The following TEAD1 variants were observed in gnomAD, a reference collection of about 807,000 sequenced individuals.
The protein encoded by TEAD1 is transcriptional enhancer factor TEF-1.
Under a neutral mutation model 54.9 loss-of-function variants are expected in TEAD1, and 9 were observed. The observed-to-expected ratio is 0.16, with a 90% CI of 0.10 to 0.29. The LOEUF is 0.29. Ranked by LOEUF, TEAD1 falls within the 10% of genes least tolerant of loss-of-function variation. The pLI, the probability that TEAD1 is intolerant of heterozygous loss-of-function variation, is 1.00. For synonymous variants in TEAD1, 200 were observed against 187.8 expected (o/e 1.07, Z -0.53); for missense variants, 387 against 535.9 (o/e 0.72, Z 2.74).
intron 9 of TEAD1, among the ~76,000 whole-genome samples, chr11:12,894,315 T>C (rs1208772277): frequency 6.6e-6 from 1 of 152,162 alleles, no homozygotes. Context: ...TCGCAGATGC[T>C]GAGGACTAGC....
chr11:12,814,992 G>C (rs980574629), intron 3 of TEAD1, among the ~76,000 whole-genome samples: 3 of 152,128 alleles, frequency 2.0e-5, no homozygotes, highest in Non-Finnish European at 4.4e-5. Flanking sequence ...GTGCAGAACG[G>C]GCCTGTAATG....
intron 2 of TEAD1, among the ~76,000 whole-genome samples, chr11:12,699,352 T>C (rs1162452446): frequency 1.3e-5 from 2 of 152,220 alleles, no homozygotes; most frequent in Non-Finnish European, 2.9e-5. Flanking sequence ...TAATGAATTG[T>C]AGAAACCGCT....
At position 12,769,498 on chromosome 11, in the gene TEAD1, G is replaced by A. The variant is rs184636311; in HGVS notation, c.202+5064G>A. 5.3e-5 allele frequency among the ~76,000 whole-genome samples: 8 copies of A among 152,226 alleles called. No individual in the cohort carries two copies. In the East Asian group the frequency reaches 1.5e-3, roughly 29 times the overall value. On this transcript the variant is annotated intron_variant, in intron 3 of 12. Coordinates refer to ENST00000527636, the MANE Select transcript of TEAD1 (RefSeq NM_021961.6). ...GTCGCTACACTCCTCTGGATGCAGA[G>A]GACTGGTCAAAAAATTGCAGAATCA...
intron 3 of TEAD1, among the ~76,000 whole-genome samples, chr11:12,810,548 G>C (rs1172741594): frequency 6.6e-6 from 1 of 152,134 alleles, no homozygotes; most frequent in Admixed American, 6.5e-5. Context: ...TCCTCCCTCT[G>C]AACTTCCCAC....
intron 7 of TEAD1, among the ~76,000 whole-genome samples, chr11:12,881,578 A>G (rs1589954506): frequency 6.6e-6 from 1 of 152,234 alleles, no homozygotes; most frequent in Admixed American, 6.5e-5. Flanking sequence ...AGCCTGAAGC[A>G]TGTCCCACAC....
chr11:12,695,653 T>G (rs1437506389), intron 2 of TEAD1, among the ~76,000 whole-genome samples: 1 of 152,242 alleles, frequency 6.6e-6, no homozygotes, highest in East Asian at 1.9e-4. Flanking sequence ...GAATGTTTGT[T>G]GCCTTAAGTG....
chr11:12,923,487 C>T (rs1948851063), intron 10 of TEAD1, among the ~76,000 whole-genome samples: 1 of 152,178 alleles, frequency 6.6e-6, no homozygotes, highest in African/African-American at 2.4e-5. Flanking sequence ...CTCACGAGAG[C>T]AGGCCCTGGC....
intron 9 of TEAD1, among the ~76,000 whole-genome samples, chr11:12,891,473 C>A (rs918010001): frequency 1.3e-5 from 2 of 152,040 alleles, no homozygotes; most frequent in Non-Finnish European, 2.9e-5. Context: ...AATTAAAAAG[C>A]CTTGTGGATT....
intron 10 of TEAD1, chr11:12,922,345 C>T (rs1948824553): frequency 4.2e-5 from 4 of 96,206 alleles, no homozygotes; most frequent in South Asian, 3.2e-4. Context: ...TACAGGCGCC[C>T]GCCACTACGC....
chr11:12,799,734 T>C (rs991739228), intron 3 of TEAD1, among the ~76,000 whole-genome samples: 3 of 152,228 alleles, frequency 2.0e-5, no homozygotes, highest in African/African-American at 7.2e-5. Context: ...TCTTAATCCT[T>C]TGCTCTTCCA....
chr11:12,823,977 A>T (rs1946601793), intron 3 of TEAD1, among the ~76,000 whole-genome samples: 1 of 152,084 alleles, frequency 6.6e-6, no homozygotes, highest in Admixed American at 6.6e-5. Flanking sequence ...TTTGGGGGAG[A>T]CTAAGTGATT....
rs191097695 is a variant in TEAD1, at chr11:12,914,166, T to C, written c.874-10746T>C. 1.2e-4 allele frequency among the ~76,000 whole-genome samples: 18 copies of C among 152,358 alleles called. No individual in the cohort carries two copies. In the East Asian group the frequency reaches 3.5e-3, roughly 29 times the overall value. On this transcript the variant is annotated intron_variant, in intron 10 of 12. Transcript: ENST00000527636. ...CTAAATGCTGGTATTTGTAGGAATT[T>C]GCAGTGCAGACGGGCAGCCTTTCAA...
At chr11:12,848,913 G>A (rs1400516445) in intron 3 of TEAD1, 2 of 152,008 alleles carry the variant, frequency 1.3e-5, no homozygotes, top group African/African-American at 4.8e-5. Context: ...TCACACCACT[G>A]TACTCCAGCC....
chr11:12,822,767 A>C (rs1946578894), intron 3 of TEAD1: 1 of 152,244 alleles, frequency 6.6e-6, no homozygotes, highest in African/African-American at 2.4e-5. Context: ...TTCACTCCGT[A>C]GTATCACAGA....
intron 9 of TEAD1, among the ~76,000 whole-genome samples, chr11:12,885,657 T>C (rs1948072395): frequency 6.6e-6 from 1 of 152,230 alleles, no homozygotes; most frequent in Non-Finnish European, 1.5e-5. Flanking sequence ...GATTTTTGCT[T>C]CCCTGGTTAA....
intron 3 of TEAD1, among the ~76,000 whole-genome samples, chr11:12,853,671 T>G (rs1355232474): frequency 1.3e-5 from 2 of 152,218 alleles, no homozygotes; most frequent in Non-Finnish European, 2.9e-5. Context: ...CTATGCAGCC[T>G]TAAACATTTT....
chr11:12,736,863 G>C (rs1944542900), intron 2 of TEAD1, among the ~76,000 whole-genome samples: 1 of 152,154 alleles, frequency 6.6e-6, no homozygotes, highest in Admixed American at 6.5e-5. Context: ...TTTTAAAATA[G>C]CTGGGCAGAA....
chr11:12,843,689 A>G (rs749828345), intron 3 of TEAD1, among the ~76,000 whole-genome samples: 3 of 152,262 alleles, frequency 2.0e-5, no homozygotes, highest in Non-Finnish European at 4.4e-5. Context: ...TGTGTTTTAA[A>G]AAGTCTAGAG....
intron 2 of TEAD1, among the ~76,000 whole-genome samples, chr11:12,680,544 G>A (rs1393394119): frequency 1.3e-5 from 2 of 152,206 alleles, no homozygotes; most frequent in African/African-American, 4.8e-5. Context: ...CTAGCTGGGA[G>A]CCTGCCTGGC....
Sources: allele counts gnomAD v4.1 joint callset (sites outside exome capture counted in the v4.1 genomes callset), GRCh38; gene constraint gnomAD v4.1.1; transcripts MANE v1.5; gene names NCBI Gene and HGNC (gene_info 2026-07-23, HGNC 2026-07-21).